The following EDIL3 variants were observed in gnomAD, a reference collection of about 807,000 sequenced individuals.
The protein encoded by EDIL3 is EGF like and discoidin domains 3, also known as EGF-like repeat and discoidin I-like domain-containing protein 3.
A neutral mutation model predicts 67.4 loss-of-function variants in EDIL3; 37 were observed. The observed-to-expected ratio is 0.55, with a 90% confidence interval of 0.42 to 0.72. The LOEUF (loss-of-function observed/expected upper bound fraction) is 0.72, where lower values mean the gene tolerates loss of function less well. EDIL3 is among the 30% of genes least tolerant of loss of function. EDIL3 has a pLI of 0.00. For missense variants in EDIL3, 527 were observed against 586.3 expected (o/e 0.90, Z 1.04); for synonymous variants, 195 against 196.3 (o/e 0.99, Z 0.05).
At chr5:83,988,692 G>A (rs938603731) in intron 9 of EDIL3, among the ~76,000 whole-genome samples, 2 of 152,004 alleles carry the variant, frequency 1.3e-5, no homozygotes, top group Non-Finnish European at 2.9e-5. Context: ...AAATGAGAGC[G>A]GTATGAAAAT....
chr5:84,207,565 C>A (rs1167746682), intron 3 of EDIL3, among the ~76,000 whole-genome samples: 1 of 151,550 alleles, frequency 6.6e-6, no homozygotes, highest in African/African-American at 2.4e-5. Context: ...TCATATGGAA[C>A]CAAAAAAGAG....
At chr5:84,308,794 T>A (rs899369873) in intron 1 of EDIL3, among the ~76,000 whole-genome samples, 4 of 152,312 alleles carry the variant, frequency 2.6e-5, no homozygotes, top group African/African-American at 9.6e-5. Context: ...GTCTGATACA[T>A]ATTTGATTGT....
intron 3 of EDIL3, among the ~76,000 whole-genome samples, chr5:84,203,394 C>T (rs1235766457): frequency 6.6e-6 from 1 of 152,110 alleles, no homozygotes; most frequent in Non-Finnish European, 1.5e-5. Context: ...GCAAAGATGA[C>T]CCAACTGATG....
chr5:84,251,770 A>G (rs936909251), intron 2 of EDIL3, among the ~76,000 whole-genome samples: 4 of 152,202 alleles, frequency 2.6e-5, no homozygotes, highest in South Asian at 2.1e-4. Context: ...AGACTTTAGG[A>G]AAGTTTTTTC....
intron 9 of EDIL3, among the ~76,000 whole-genome samples, chr5:83,995,418 T>A (rs1329636637): frequency 1.3e-5 from 2 of 152,184 alleles, no homozygotes; most frequent in African/African-American, 4.8e-5. Flanking sequence ...ATTCAACTGA[T>A]GAACTATTGA....
At chr5:84,384,163 C>G in intron 1 of EDIL3, 145 bp downstream of exon 1, 4 of 986,634 alleles carry the variant, frequency 4.1e-6, no homozygotes, top group Non-Finnish European at 6.0e-6. Context: ...CTCGGGGCAC[C>G]CAGGACTCGA....
intron 6 of EDIL3, among the ~76,000 whole-genome samples, chr5:84,070,403 C>T (rs1746011141): frequency 6.6e-6 from 1 of 152,196 alleles, no homozygotes. Context: ...AGAGCCCACG[C>T]TCCCAATGAC....
At chr5:84,294,424 C>T (rs2112122639) in intron 1 of EDIL3, among the ~76,000 whole-genome samples, 1 of 149,676 alleles carries the variant, frequency 6.7e-6, no homozygotes, top group East Asian at 2.0e-4. Flanking sequence ...AGTCATCATC[C>T]AGATGGAAAT....
intron 1 of EDIL3, among the ~76,000 whole-genome samples, chr5:84,257,298 A>C (rs1484320220): frequency 6.6e-6 from 1 of 152,202 alleles, no homozygotes; most frequent in African/African-American, 2.4e-5. Context: ...GGTCAAAATG[A>C]GACAGGACTA....
At chr5:84,375,362 T>G (rs1747947183) in intron 1 of EDIL3, among the ~76,000 whole-genome samples, 1 of 152,018 alleles carries the variant, frequency 6.6e-6, no homozygotes, top group South Asian at 2.1e-4. Context: ...CAGTTTGAAG[T>G]TTTTTTAAAA....
At chr5:84,012,565 T>C (rs1354642194) in intron 9 of EDIL3, among the ~76,000 whole-genome samples, 2 of 152,142 alleles carry the variant, frequency 1.3e-5, no homozygotes, top group African/African-American at 4.8e-5. Flanking sequence ...AAGGGTCCAG[T>C]AGCATTTGGA....
intron 5 of EDIL3, among the ~76,000 whole-genome samples, chr5:84,112,201 G>C (rs990351147): frequency 6.6e-6 from 1 of 152,136 alleles, no homozygotes; most frequent in African/African-American, 2.4e-5. Flanking sequence ...ATTTAATTTA[G>C]ATCATTCCCA....
chr5:84,354,523 G>A (rs2112193370), intron 1 of EDIL3, among the ~76,000 whole-genome samples: 1 of 151,998 alleles, frequency 6.6e-6, no homozygotes, highest in Non-Finnish European at 1.5e-5. Context: ...CGGGTATGGT[G>A]GTGCATGCCT....
chr5:83,987,892 T>G (rs958062917), intron 9 of EDIL3, among the ~76,000 whole-genome samples: 20 of 144,762 alleles, frequency 1.4e-4, no homozygotes, highest in Non-Finnish European at 3.0e-5. Context: ...TATATATATA[T>G]AGCTTAATAG....
intron 6 of EDIL3, 70 bp from the exon 7 acceptor site, chr5:84,066,676 T>C: frequency 2.6e-6 from 4 of 1,544,238 alleles, no homozygotes; most frequent in Non-Finnish European, 3.5e-6. Context: ...ATACGAATTT[T>C]AGAAATGAAA....
chr5:84,066,570 T>C lies in EDIL3; in HGVS notation c.688A>G (p.Ile230Val). 1 of 1,613,504 alleles carries C rather than the reference T, an allele frequency of 6.2e-7. No individual in the cohort carries two copies. The highest frequency in any genetic ancestry group is 1.1e-5 in the South Asian group (1 of 90,890). Residue 230 changes from isoleucine to valine, a missense_variant, in exon 7 of 11, where the codon ATT (isoleucine) becomes GTT (valine). By Grantham distance (29) the Ile-to-Val change is conservative. Transcript: ENST00000296591. The part of the protein sequence containing the change: ...LQRKMRVTGV[I>V]TQGAKRIGSP... ...CCAATCCTCTTGGCTCCTTGGGTAA[T>C]CACACCAGTAACTCTCATTTTCCTT...
chr5:84,058,379 C>T lies in EDIL3; in HGVS notation c.1137+1921G>A, dbSNP rs537420669. On this transcript the variant is annotated intron_variant, in intron 9 of 10. Transcript: ENST00000296591. ...AGACACACAAACACACACACACACA[C>T]GAGTTACAACTTTAGAAATGAATTT... Among the ~76,000 whole-genome samples, 231 of 148,532 alleles carry T rather than the reference C, an allele frequency of 1.6e-3. 1 individual carries two copies. Among genetic ancestry groups the T allele is most frequent in the African/African-American group, 5.5e-3 (217 of 39,750 alleles).
intron 1 of EDIL3, among the ~76,000 whole-genome samples, chr5:84,306,140 C>T (rs1314621041): frequency 6.6e-6 from 1 of 152,052 alleles, no homozygotes; most frequent in Non-Finnish European, 1.5e-5. Flanking sequence ...TAGGAATAGT[C>T]ATGAATGAGG....
intron 10 of EDIL3, among the ~76,000 whole-genome samples, chr5:83,955,959 AAAG>A (rs1744507300): frequency 6.6e-6 from 1 of 151,848 alleles, no homozygotes; most frequent in Non-Finnish European, 1.5e-5. Context: ...ATTAATCCTT[AAAG>A]AAGGACAACT....
Sources: gnomAD v4.1 joint callset for allele counts (sites outside exome capture counted in the v4.1 genomes callset) on GRCh38, gnomAD v4.1.1 for gene constraint, MANE v1.5 for transcripts, NCBI Gene and HGNC (gene_info 2026-07-23, HGNC 2026-07-21) for gene names.